Variants in TASP1 observed in about 807,000 individuals in gnomAD.
TASP1 encodes the protein threonine aspartase 1.
In TASP1, 16 loss-of-function variants were observed where a neutral mutation model predicts 56.6. The observed-to-expected ratio is 0.28, with a 90% CI of 0.19 to 0.43. The LOEUF (loss-of-function observed/expected upper bound fraction) is 0.43. Among genes scored for constraint, TASP1 ranks in the 20% least tolerant of loss-of-function variants. The probability of loss-of-function intolerance (pLI) is 1.00; values close to 1 mark genes in which losing one functional copy is unlikely to be tolerated. For missense variants in TASP1, 393 were observed against 511.6 expected (o/e 0.77, Z 2.24); for synonymous variants, 179 against 184.2 (o/e 0.97, Z 0.23).
the TASP1 span, among the ~76,000 whole-genome samples, chr20:13,233,197 T>C: frequency 6.6e-5 from 10 of 151,922 alleles, no homozygotes; most frequent in Non-Finnish European, 1.5e-4. Flanking sequence ...CTCAATTACA[T>C]TGTGACATAG....
chr20:13,630,272 T>C (rs1400628069), intron 1 of TASP1, 120 bp from the exon 2 acceptor site: 2 of 536,884 alleles, frequency 3.7e-6, no homozygotes, highest in African/African-American at 2.0e-5. Context: ...AATTGAGCAA[T>C]ACAAAAAAGG....
chr20:13,519,363 A>G (rs1370000593), intron 10 of TASP1, among the ~76,000 whole-genome samples: 1 of 152,178 alleles, frequency 6.6e-6, no homozygotes, highest in Non-Finnish European at 1.5e-5. Context: ...AAAGAAATAA[A>G]GGACAACTCA....
chr20:13,126,747 T>A, the TASP1 span: 1 of 1,611,698 alleles, frequency 6.2e-7, no homozygotes, highest in African/African-American at 1.3e-5. Flanking sequence ...GCACAGCTCC[T>A]GGACCTCTCT....
chr20:13,133,904 T>C, the TASP1 span, among the ~76,000 whole-genome samples: 1 of 152,140 alleles, frequency 6.6e-6, no homozygotes, highest in Non-Finnish European at 1.5e-5. Context: ...TTATTCAACC[T>C]TTACTCAGCC....
At chr20:13,187,415 TA>T in the TASP1 span, among the ~76,000 whole-genome samples, 16 of 144,276 alleles carry the variant, frequency 1.1e-4, no homozygotes, top group East Asian at 4.0e-4. Context: ...CAACAACAAT[TA>T]AAAAAAAAAC....
chr20:13,576,080 T>C (rs1396089081), intron 6 of TASP1, among the ~76,000 whole-genome samples: 1 of 151,514 alleles, frequency 6.6e-6, no homozygotes. Context: ...TGCATGCCTG[T>C]AATCCTAGCT....
chr20:13,221,963 TG>T, the TASP1 span: 6 of 1,300,722 alleles, frequency 4.6e-6, no homozygotes, highest in East Asian at 1.9e-4. Flanking sequence ...GGACGGTTTG[TG>T]GGGCGGGGGT....
the TASP1 span, among the ~76,000 whole-genome samples, chr20:13,345,916 TAAAAAAAAAAAA>T: frequency 0.068 from 6,945 of 101,400 alleles, 365 homozygotes; most frequent in African/African-American, 0.15. Context: ...CTCAGTAGGT[TAAAAAAAAAAAA>T]AAAAAAAAAA....
chr20:13,125,316 A>G, the TASP1 span, among the ~76,000 whole-genome samples: 1 of 152,344 alleles, frequency 6.6e-6, no homozygotes, highest in South Asian at 2.1e-4. Context: ...TCAGCATTCC[A>G]AAGAGTGTTA....
At chr20:13,568,568 T>C (rs2046613162) in intron 7 of TASP1, among the ~76,000 whole-genome samples, 2 of 152,208 alleles carry the variant, frequency 1.3e-5, no homozygotes. Flanking sequence ...TTAGTCTTCA[T>C]AACAATTTCT....
intron 4 of TASP1, among the ~76,000 whole-genome samples, chr20:13,594,396 G>C (rs2047651607): frequency 6.6e-6 from 1 of 152,212 alleles, no homozygotes; most frequent in Admixed American, 6.5e-5. Flanking sequence ...GACAGAAGTA[G>C]GCTTCAGAAG....
the TASP1 span, among the ~76,000 whole-genome samples, chr20:13,214,562 C>CAG: frequency 4.6e-3 from 509 of 111,232 alleles, 3 homozygotes; most frequent in Admixed American, 8.1e-3. Context: ...CACACACACA[C>CAG]AGAGAGAGAG....
At chr20:13,405,713 AT>A (rs1278098247) in intron 13 of TASP1, among the ~76,000 whole-genome samples, 4,542 of 136,450 alleles carry the variant, frequency 0.033, 197 homozygotes, top group African/African-American at 0.1. Flanking sequence ...TGCCCAGCTA[AT>A]TTTTTTTTTT....
the TASP1 span, among the ~76,000 whole-genome samples, chr20:13,253,923 A>G: frequency 6.6e-5 from 10 of 151,904 alleles, no homozygotes; most frequent in South Asian, 2.1e-3. Context: ...ACACTTATAA[A>G]TGTGTATTTA....
chr20:13,164,881 G>A, the TASP1 span: 2 of 1,604,196 alleles, frequency 1.2e-6, no homozygotes, highest in South Asian at 1.1e-5. Context: ...TCCTGGTCCT[G>A]AATGACACAT....
chr20:13,262,999 C>A, the TASP1 span, among the ~76,000 whole-genome samples: 1 of 152,170 alleles, frequency 6.6e-6, no homozygotes, highest in African/African-American at 2.4e-5. Context: ...AGGACTGAGA[C>A]CCTCCTGAAT....
the TASP1 span, among the ~76,000 whole-genome samples, chr20:13,135,716 G>A: frequency 6.6e-6 from 1 of 152,210 alleles, no homozygotes; most frequent in African/African-American, 2.4e-5. Flanking sequence ...AGGAAAGTTG[G>A]AACGATTCTA....
the TASP1 span, among the ~76,000 whole-genome samples, chr20:13,134,982 G>A: frequency 2.0e-5 from 3 of 152,280 alleles, no homozygotes; most frequent in Admixed American, 1.3e-4. Context: ...CTTATGAAAT[G>A]CATGTGCCTC....
chr20:13,453,176 G>A (rs952620078), intron 11 of TASP1, among the ~76,000 whole-genome samples: 5 of 152,120 alleles, frequency 3.3e-5, no homozygotes, highest in Non-Finnish European at 4.4e-5. Context: ...AAATCAAATG[G>A]ACTAAAATGG....
Sources: allele counts gnomAD v4.1 joint callset (sites outside exome capture counted in the v4.1 genomes callset), GRCh38; gene constraint gnomAD v4.1.1; transcripts MANE v1.5; gene names NCBI Gene and HGNC (gene_info 2026-07-23, HGNC 2026-07-21).